ZCCHC24: variants seen among roughly 807,000 people sequenced by gnomAD.
ZCCHC24 encodes zinc finger CCHC domain-containing protein 24.
In ZCCHC24, 10 loss-of-function variants were observed where a neutral mutation model predicts 26.2. That is an observed-to-expected ratio of 0.38 (90% CI 0.24 to 0.65). ZCCHC24 has a LOEUF of 0.65. Among genes scored for constraint, ZCCHC24 ranks in the 30% least tolerant of loss-of-function variants. ZCCHC24 has a pLI of 0.54. For missense variants in ZCCHC24, 243 were observed against 329.1 expected, an observed-to-expected ratio of 0.74 and a Z score of 2.03; for synonymous variants, 144 against 147.1, an observed-to-expected ratio of 0.98 and a Z score of 0.15.
At chr10:79,401,249 C>G (rs1856628497) in intron 2 of ZCCHC24, among the ~76,000 whole-genome samples, 1 of 152,234 alleles carries the variant, frequency 6.6e-6, no homozygotes, top group African/African-American at 2.4e-5. Context: ...CTGGCCTTGC[C>G]ACTCCCATCT....
intron 2 of ZCCHC24, among the ~76,000 whole-genome samples, chr10:79,421,260 G>A (rs567229899): frequency 7.2e-5 from 11 of 152,334 alleles, no homozygotes; most frequent in African/African-American, 2.6e-4. Flanking sequence ...TCTGTGCCAA[G>A]TGCTGGAAGA....
intron 1 of ZCCHC24, among the ~76,000 whole-genome samples, chr10:79,442,518 G>A (rs1301637888): frequency 6.6e-6 from 1 of 152,214 alleles, no homozygotes; most frequent in Non-Finnish European, 1.5e-5. Flanking sequence ...GGAGCAGCCT[G>A]GGGGTGGTGC....
chr10:79,405,414 T>C (rs1489837926), intron 2 of ZCCHC24, among the ~76,000 whole-genome samples: 1 of 151,712 alleles, frequency 6.6e-6, no homozygotes, highest in African/African-American at 2.4e-5. Flanking sequence ...AAGGGTGAGG[T>C]GTGAGGTGGA....
At position 79,394,315 on chromosome 10, in the gene ZCCHC24, C is replaced by T. The variant is rs777509056; in HGVS notation, c.573G>A (p.Glu191=). The change falls in exon 3 of 4, where the codon GAG becomes GAA. Residue 191 remains glutamate (E), a synonymous_variant. Coordinates refer to ENST00000372336, the MANE Select transcript of ZCCHC24 (RefSeq NM_153367.4). ...SGNSWANMGQ[E]CIKCHINVYP... ...ACACGTTGATGTGGCACTTGATGCA[C>T]TCCTGCCCCATGTTGGCCCAGGAGT... The T allele has an allele frequency of 1.2e-6, 2 of 1,614,108 alleles. No individual in the cohort carries two copies. The highest frequency in any genetic ancestry group is 2.2e-5 in the East Asian group (1 of 44,890).
At chr10:79,423,076 C>G (rs888365013) in intron 2 of ZCCHC24, among the ~76,000 whole-genome samples, 2 of 152,174 alleles carry the variant, frequency 1.3e-5, no homozygotes, top group Admixed American at 1.3e-4. Context: ...GGACCCTCCC[C>G]CTGCCTGAGC....
chr10:79,408,652 A>AGGAATGGG (rs1271189569), intron 2 of ZCCHC24, among the ~76,000 whole-genome samples: 1 of 152,206 alleles, frequency 6.6e-6, no homozygotes, highest in Non-Finnish European at 1.5e-5. Flanking sequence ...AGAGATATGA[A>AGGAATGGG]GGAATGGGGT....
At chr10:79,440,533 G>A (rs1857279805) in intron 1 of ZCCHC24, among the ~76,000 whole-genome samples, 1 of 152,220 alleles carries the variant, frequency 6.6e-6, no homozygotes, top group Non-Finnish European at 1.5e-5. Context: ...GCTGATCCAG[G>A]GGAGAGCAAA....
intron 2 of ZCCHC24, among the ~76,000 whole-genome samples, chr10:79,416,471 T>G (rs1395405559): frequency 6.6e-6 from 1 of 152,158 alleles, no homozygotes; most frequent in Non-Finnish European, 1.5e-5. Flanking sequence ...CTCTGAGGCC[T>G]GAGCTGGTGG....
rs1460943416 is a variant in ZCCHC24 at position 79,386,338 on chromosome 10, C to T, written c.*7G>A. 17 of 1,611,332 alleles carry T rather than the reference C, an allele frequency of 1.1e-5. No individual in the cohort carries two copies. Among genetic ancestry groups the T allele is most frequent in the Middle Eastern group, 1.6e-4 (1 of 6,082 alleles). On this transcript the variant is annotated 3_prime_UTR_variant, in exon 4 of 4. Coordinates refer to ENST00000372336, the MANE Select transcript of ZCCHC24 (RefSeq NM_153367.4). Reference sequence around the variant, plus strand: ...GGGGGTGGCTCTGGGTGCGGGCGGGCAGCCCGTCACTGCACGCGACGGCAG... The same window carrying T: ...GGGGGTGGCTCTGGGTGCGGGCGGGTAGCCCGTCACTGCACGCGACGGCAG...
At chr10:79,401,436 A>G (rs902697847) in intron 2 of ZCCHC24, among the ~76,000 whole-genome samples, 6 of 152,234 alleles carry the variant, frequency 3.9e-5, no homozygotes, top group African/African-American at 1.2e-4. Flanking sequence ...TAGAGGTTAC[A>G]TGGCTTGCCC....
intron 2 of ZCCHC24, among the ~76,000 whole-genome samples, chr10:79,401,483 G>A (rs1389725229): frequency 6.6e-6 from 1 of 152,228 alleles, no homozygotes; most frequent in African/African-American, 2.4e-5. Context: ...GTCCAGATCC[G>A]AGCCCAAGCC....
At chr10:79,403,506 GC>G (rs1589663986) in intron 2 of ZCCHC24, 1 of 985,464 alleles carries the variant, frequency 1.0e-6, no homozygotes, top group Non-Finnish European at 1.2e-6. Flanking sequence ...CTCCACGGAG[GC>G]CCCGGAGGAA....
In ZCCHC24 at chr10:79,408,161, C is replaced by T. The variant is rs532657991; in HGVS notation, c.448-13721G>A. 4.7e-4 allele frequency among the ~76,000 whole-genome samples: 71 copies of T among 152,330 alleles called. 1 individual carries two copies. The highest frequency in any genetic ancestry group is 1.7e-3 in the African/African-American group (70 of 41,574). On this transcript the variant is annotated intron_variant, in intron 2 of 3. Transcript: ENST00000372336. ...GGGCCCAGCTGTTGGGAAAAGTCAG[C>T]CCCTGAGCTACAGATGTGGAGGCTG... is the stretch of plus-strand genomic sequence containing the variant.
intron 2 of ZCCHC24, among the ~76,000 whole-genome samples, chr10:79,426,944 G>A (rs540751273): frequency 6.6e-6 from 1 of 152,116 alleles, no homozygotes; most frequent in South Asian, 2.1e-4. Context: ...GCTATCTACA[G>A]GAGATGCACT....
At chr10:79,414,687 A>C (rs1792034952) in intron 2 of ZCCHC24, among the ~76,000 whole-genome samples, 1 of 152,152 alleles carries the variant, frequency 6.6e-6, no homozygotes, top group Admixed American at 6.5e-5. Flanking sequence ...ACCATCTCAG[A>C]CCTGGCAATG....
At chr10:79,405,068 C>T (rs1275715001) in intron 2 of ZCCHC24, among the ~76,000 whole-genome samples, 2 of 152,192 alleles carry the variant, frequency 1.3e-5, no homozygotes, top group Non-Finnish European at 2.9e-5. Context: ...GAGATAAGAA[C>T]CCACCCGCCG....
chr10:79,405,305 A>G (rs11591223), intron 2 of ZCCHC24, among the ~76,000 whole-genome samples: 49,728 of 152,180 alleles, frequency 0.33, 9,486 homozygotes, highest in African/African-American at 0.52. Flanking sequence ...GGTCAGGTGC[A>G]CCCTCCACAC....
intron 3 of ZCCHC24, among the ~76,000 whole-genome samples, chr10:79,388,498 C>T (rs1243292673): frequency 6.6e-6 from 1 of 152,176 alleles, no homozygotes; most frequent in Non-Finnish European, 1.5e-5. Flanking sequence ...AATCTGGGTC[C>T]CTGTCACCTC....
rs1856517105 is a variant in ZCCHC24, at chr10:79,394,359, T to G, written c.529A>C (p.Arg177=). The G allele has an allele frequency of 1.2e-6, 2 of 1,614,234 alleles. No homozygotes were observed. Among genetic ancestry groups the G allele is most frequent in the East Asian group, 4.5e-5 (2 of 44,878 alleles). Residue 177 remains arginine (R), a synonymous_variant, in exon 3 of 4, where the codon AGA becomes CGA. Transcript: ENST00000372336. ...FGEYKCPKCK[R]KWMSGNSWAN... ...CAGGAGTTCCCGCTCATCCATTTTC[T>G]CTTGCACTTGGGACACTTGTACTCG...
Sources: allele counts gnomAD v4.1 joint callset (sites outside exome capture counted in the v4.1 genomes callset), GRCh38; gene constraint gnomAD v4.1.1; transcripts MANE v1.5; gene names NCBI Gene and HGNC (gene_info 2026-07-23, HGNC 2026-07-21).